Variants in RHOA observed in about 807,000 individuals in gnomAD.
RHOA encodes transforming protein RhoA.
A neutral mutation model predicts 17.5 loss-of-function variants in RHOA; 3 were observed. The observed-to-expected ratio is 0.17, with a 90% CI of 0.08 to 0.44. RHOA has a LOEUF of 0.44. Ranked by LOEUF, RHOA falls within the 20% of genes least tolerant of loss-of-function variation. The pLI, the probability that RHOA is intolerant of heterozygous loss-of-function variation, is 0.99. For missense variants in RHOA, 56 were observed against 242.3 expected, an observed-to-expected ratio of 0.23 and a Z score of 5.10; for synonymous variants, 98 against 88.4, an observed-to-expected ratio of 1.11 and a Z score of -0.61.
intron 1 of RHOA, among the ~76,000 whole-genome samples, chr3:49,396,865 C>T (rs1414715737): frequency 6.6e-6 from 1 of 152,154 alleles, no homozygotes; most frequent in East Asian, 1.9e-4. Context: ...CTTGGTGGCT[C>T]ATGCCTATAA....
intron 3 of RHOA, among the ~76,000 whole-genome samples, chr3:49,366,140 G>A (rs1201102485): frequency 6.6e-6 from 1 of 152,132 alleles, no homozygotes; most frequent in Non-Finnish European, 1.5e-5. Flanking sequence ...TAGATAACGA[G>A]GGCAAAGGCA....
At chr3:49,367,354 A>AAAAAAAAAAAAAAAAAAAAAAC (rs2048074486) in intron 3 of RHOA, among the ~76,000 whole-genome samples, 1 of 148,344 alleles carries the variant, frequency 6.7e-6, no homozygotes, top group Non-Finnish European at 1.5e-5. Flanking sequence ...AAAAAAAAAA[A>AAAAAAAAAAAAAAAAAAAAAAC]AAAAAAAAAA....
chr3:49,384,003 C>G (rs933304546), intron 1 of RHOA, among the ~76,000 whole-genome samples: 2 of 152,090 alleles, frequency 1.3e-5, no homozygotes, highest in Non-Finnish European at 2.9e-5. Flanking sequence ...GCATTACAGC[C>G]TGGGCGGCAG....
chr3:49,403,212 C>T (rs767526009), intron 1 of RHOA, among the ~76,000 whole-genome samples: 9 of 152,066 alleles, frequency 5.9e-5, no homozygotes, highest in Non-Finnish European at 1.2e-4. Context: ...GTGGCACGCA[C>T]CTGTAGTCCC....
chr3:49,387,442 TC>T (rs2048417414), intron 1 of RHOA, among the ~76,000 whole-genome samples: 1 of 71,826 alleles, frequency 1.4e-5, no homozygotes, highest in African/African-American at 4.8e-5. Context: ...AGACTCCATC[TC>T]GGGGGAAAAA....
intron 1 of RHOA, among the ~76,000 whole-genome samples, chr3:49,395,125 C>A (rs1259749037): frequency 6.6e-6 from 1 of 151,680 alleles, no homozygotes; most frequent in Non-Finnish European, 1.5e-5. Flanking sequence ...GTGGCAGGCA[C>A]CTGTAGTCCC....
intron 1 of RHOA, among the ~76,000 whole-genome samples, chr3:49,395,722 A>AT (rs2048604418): frequency 6.6e-6 from 1 of 152,000 alleles, no homozygotes; most frequent in Non-Finnish European, 1.5e-5. Flanking sequence ...CCAAAAAAAA[A>AT]GAAGAGGAAG....
chr3:49,360,606 T>C (rs1426202601), intron 4 of RHOA, among the ~76,000 whole-genome samples: 1 of 152,004 alleles, frequency 6.6e-6, no homozygotes, highest in Non-Finnish European at 1.5e-5. Flanking sequence ...TAGCTGGGAC[T>C]ACAGGTGCCC....
intron 1 of RHOA, among the ~76,000 whole-genome samples, chr3:49,385,687 A>G (rs2048385579): frequency 6.6e-6 from 1 of 150,770 alleles, no homozygotes; most frequent in South Asian, 2.1e-4. Flanking sequence ...CGTAAAAAAA[A>G]TATATATGCT....
chr3:49,398,839 C>CAAAAAAAAAAAA (rs71080506), intron 1 of RHOA, among the ~76,000 whole-genome samples: 2 of 35,654 alleles, frequency 5.6e-5, no homozygotes, highest in African/African-American at 2.9e-4. Flanking sequence ...GACTCCGTCT[C>CAAAAAAAAAAAA]AAAAAAAAAA....
intron 2 of RHOA, among the ~76,000 whole-genome samples, chr3:49,370,871 A>G (rs1393426786): frequency 6.6e-6 from 1 of 152,032 alleles, no homozygotes; most frequent in Non-Finnish European, 1.5e-5. Context: ...TCACAGCCCA[A>G]ATTTCAGTTT....
intron 1 of RHOA, among the ~76,000 whole-genome samples, chr3:49,397,580 C>A (rs1232739967): frequency 6.6e-6 from 1 of 152,044 alleles, no homozygotes; most frequent in African/African-American, 2.4e-5. Flanking sequence ...ATAGCTTTCC[C>A]CTTCATAGTC....
intron 1 of RHOA, among the ~76,000 whole-genome samples, chr3:49,398,839 CAAAAAAAAAAAAAAAAAAA>C (rs71080506): frequency 2.2e-4 from 8 of 35,664 alleles, no homozygotes; most frequent in Non-Finnish European, 3.0e-4. Context: ...GACTCCGTCT[CAAAAAAAAAAAAAAAAAAA>C]AAAAAAAAAA....
intron 1 of RHOA, among the ~76,000 whole-genome samples, chr3:49,395,586 G>A (rs1378732202): frequency 6.6e-6 from 1 of 151,250 alleles, no homozygotes; most frequent in Admixed American, 6.6e-5. Flanking sequence ...GGTGGTGGGC[G>A]CCTATAATTT....
intron 1 of RHOA, among the ~76,000 whole-genome samples, chr3:49,389,267 A>C (rs2048455373): frequency 6.6e-6 from 1 of 151,846 alleles, no homozygotes; most frequent in Non-Finnish European, 1.5e-5. Context: ...GTGAGTGAAG[A>C]TTGTGACATT....
At chr3:49,362,459 C>A in intron 4 of RHOA, 37 bp downstream of exon 4, 1 of 1,539,084 alleles carries the variant, frequency 6.5e-7, no homozygotes, top group South Asian at 1.3e-5. Context: ...GGCCCTAGTT[C>A]AAGAATACTA....
intron 1 of RHOA, among the ~76,000 whole-genome samples, chr3:49,388,124 A>C (rs767391514): frequency 3.3e-5 from 5 of 151,056 alleles, no homozygotes; most frequent in Non-Finnish European, 7.4e-5. Flanking sequence ...CTCCCACCTC[A>C]GCTTCCCGAG....
intron 1 of RHOA, among the ~76,000 whole-genome samples, chr3:49,399,508 A>G (rs1010713730): frequency 6.6e-6 from 1 of 152,138 alleles, no homozygotes; most frequent in African/African-American, 2.4e-5. Context: ...AGGGCTTGAC[A>G]GAGGTGTACA....
At position 49,368,371 on chromosome 3, in the gene RHOA, C is replaced by T. The variant is rs527439966; in HGVS notation, c.277+57G>A. The T allele has an allele frequency of 1.9e-6, 3 of 1,583,630 alleles. No individual in the cohort carries two copies. In the South Asian group the frequency reaches 3.3e-5, roughly 18 times the overall value. On this transcript the variant is annotated intron_variant, in intron 3 of 4. Transcript: ENST00000418115. ...TTTTCAGCCACTTGATGCCCAGAAA[C>T]CAGATGCCAACTAGCTACACAGGCA...
Sources: gnomAD v4.1 joint callset for allele counts (sites outside exome capture counted in the v4.1 genomes callset) on GRCh38, gnomAD v4.1.1 for gene constraint, MANE v1.5 for transcripts, NCBI Gene and HGNC (gene_info 2026-07-23, HGNC 2026-07-21) for gene names.